The following FHIT variants were observed in gnomAD, a reference collection of about 807,000 sequenced individuals.
The protein encoded by FHIT is bis(5'-adenosyl)-triphosphatase.
FHIT carries 19 observed loss-of-function variants against 17.9 expected under a neutral mutation model. The ratio of observed to expected loss-of-function variants is 1.06; its 90% CI spans 0.74 to 1.56. FHIT has a LOEUF of 1.56. Among genes scored for constraint, FHIT ranks in the 40% most tolerant of loss-of-function variants. The pLI is 0.00. For missense variants in FHIT, 248 were observed against 189.2 expected (o/e 1.31, Z -1.82); for synonymous variants, 81 against 69.7 (o/e 1.16, Z -0.81).
chr3:61,103,229 G>T (rs550318635), intron 2 of FHIT, among the ~76,000 whole-genome samples: 2 of 152,144 alleles, frequency 1.3e-5, no homozygotes, highest in Non-Finnish European at 2.9e-5. Context: ...CTTTAAATGT[G>T]TCCCAGAGAT....
chr3:60,715,593 G>A (rs1553706551), intron 4 of FHIT, among the ~76,000 whole-genome samples: 2 of 141,642 alleles, frequency 1.4e-5, no homozygotes, highest in African/African-American at 5.3e-5. Context: ...GACGCAGGAA[G>A]GGGAACATCA....
chr3:60,301,263 T>G (rs543752040), intron 5 of FHIT, among the ~76,000 whole-genome samples: 3 of 152,196 alleles, frequency 2.0e-5, no homozygotes, highest in Non-Finnish European at 4.4e-5. Flanking sequence ...CTTCATAAGG[T>G]CAAGGGAAAA....
chr3:61,112,059 G>T (rs1477065520), intron 2 of FHIT, among the ~76,000 whole-genome samples: 1 of 152,176 alleles, frequency 6.6e-6, no homozygotes, highest in Non-Finnish European at 1.5e-5. Flanking sequence ...ACTCAGAGCA[G>T]TTAAGTAACT....
chr3:60,819,221 T>G (rs1701844811), intron 4 of FHIT, among the ~76,000 whole-genome samples: 1 of 152,108 alleles, frequency 6.6e-6, no homozygotes, highest in Non-Finnish European at 1.5e-5. Context: ...ATTCCCTCAT[T>G]TAGTGACATT....
intron 4 of FHIT, among the ~76,000 whole-genome samples, chr3:60,719,257 C>T (rs1468793988): frequency 6.6e-6 from 1 of 152,092 alleles, no homozygotes; most frequent in African/African-American, 2.4e-5. Context: ...AGTTTGGAGG[C>T]CTGCTATTTT....
chr3:60,117,852 A>C (rs1184978926), intron 5 of FHIT, among the ~76,000 whole-genome samples: 1 of 152,138 alleles, frequency 6.6e-6, no homozygotes, highest in Non-Finnish European at 1.5e-5. Context: ...ATGTTCAAGG[A>C]GGAAGAAAGA....
chr3:60,617,900 C>T (rs1174883359), intron 4 of FHIT: 3 of 210,894 alleles, frequency 1.4e-5, no homozygotes, highest in African/African-American at 4.7e-5. Flanking sequence ...ATAAATTAGC[C>T]TTCTGTGAAA....
intron 4 of FHIT, among the ~76,000 whole-genome samples, chr3:60,780,722 C>T (rs1182471994): frequency 6.6e-6 from 1 of 152,164 alleles, no homozygotes; most frequent in Non-Finnish European, 1.5e-5. Flanking sequence ...ATCTAAACGG[C>T]AGCTGGATGT....
intron 8 of FHIT, among the ~76,000 whole-genome samples, chr3:59,820,305 G>C (rs1700742532): frequency 6.6e-6 from 1 of 152,066 alleles, no homozygotes; most frequent in African/African-American, 2.4e-5. Flanking sequence ...TCCTCTTTGG[G>C]CCAACATATC....
intron 5 of FHIT, among the ~76,000 whole-genome samples, chr3:60,124,898 A>G (rs1057275059): frequency 2.0e-5 from 3 of 152,196 alleles, no homozygotes; most frequent in Admixed American, 6.5e-5. Flanking sequence ...CAGCCTGGCC[A>G]CACAACTAGC....
At chr3:59,877,658 T>C (rs969610895) in intron 8 of FHIT, among the ~76,000 whole-genome samples, 1 of 152,086 alleles carries the variant, frequency 6.6e-6, no homozygotes, top group Non-Finnish European at 1.5e-5. Flanking sequence ...AAAGAAAAAG[T>C]AAAAAGATGA....
At chr3:61,207,790 T>C (rs971538796) in intron 1 of FHIT, among the ~76,000 whole-genome samples, 4 of 152,252 alleles carry the variant, frequency 2.6e-5, no homozygotes, top group African/African-American at 4.8e-5. Context: ...CATTAATTTT[T>C]TGAAGGGTTT....
At chr3:60,744,270 A>AAAAAAAAAAAAAAAAAAAAAAAAAAAAC (rs1577150242) in intron 4 of FHIT, among the ~76,000 whole-genome samples, 1 of 22,518 alleles carries the variant, frequency 4.4e-5, no homozygotes, top group Non-Finnish European at 8.7e-5. Context: ...AAACAAAACA[A>AAAAAAAAAAAAAAAAAAAAAAAAAAAAC]AAAAAAAAAA....
At chr3:60,801,227 C>T (rs568701336) in intron 4 of FHIT, among the ~76,000 whole-genome samples, 51 of 152,258 alleles carry the variant, frequency 3.3e-4, no homozygotes, top group Non-Finnish European at 6.3e-4. Flanking sequence ...GGGGTTATTC[C>T]GTGGGTTAAT....
intron 5 of FHIT, among the ~76,000 whole-genome samples, chr3:60,378,172 G>A (rs186433899): frequency 2.6e-5 from 4 of 151,158 alleles, no homozygotes; most frequent in East Asian, 2.0e-4. Flanking sequence ...GACTACAGAC[G>A]CCTGCCACTA....
intron 5 of FHIT, among the ~76,000 whole-genome samples, chr3:60,346,452 G>A (rs1710785712): frequency 6.6e-6 from 1 of 152,200 alleles, no homozygotes; most frequent in African/African-American, 2.4e-5. Context: ...ACTGAGGGAA[G>A]TGGGTGGAGC....
At chr3:59,878,563 T>A (rs1159638486) in intron 8 of FHIT, among the ~76,000 whole-genome samples, 1 of 152,128 alleles carries the variant, frequency 6.6e-6, no homozygotes, top group Non-Finnish European at 1.5e-5. Context: ...CTTTCTCAAA[T>A]ACACTCACCC....
intron 2 of FHIT, among the ~76,000 whole-genome samples, chr3:61,127,200 C>T (rs2036631719): frequency 6.6e-6 from 1 of 152,108 alleles, no homozygotes; most frequent in African/African-American, 2.4e-5. Context: ...ATGAGCCTGC[C>T]ACAATAATCC....
At chr3:59,950,284 T>C (rs1276661972) in intron 7 of FHIT, among the ~76,000 whole-genome samples, 1 of 152,192 alleles carries the variant, frequency 6.6e-6, no homozygotes, top group Non-Finnish European at 1.5e-5. Context: ...AGAAAAACAA[T>C]TGCCATTAAA....
Sources: gnomAD v4.1 joint callset for allele counts (sites outside exome capture counted in the v4.1 genomes callset) on GRCh38, gnomAD v4.1.1 for gene constraint, MANE v1.5 for transcripts, NCBI Gene and HGNC (gene_info 2026-07-23, HGNC 2026-07-21) for gene names.